Variants in EZH2 observed in about 807,000 individuals in gnomAD.
The protein encoded by EZH2 is enhancer of zeste 2 polycomb repressive complex 2 subunit.
A neutral mutation model predicts 98.4 loss-of-function variants in EZH2; 18 were observed. The observed-to-expected ratio is 0.18, with a 90% CI of 0.13 to 0.27. The LOEUF (loss-of-function observed/expected upper bound fraction) is 0.27, where lower values mean the gene tolerates loss of function less well. Among genes scored for constraint, EZH2 ranks in the 10% least tolerant of loss-of-function variants. The pLI, the probability that EZH2 is intolerant of heterozygous loss-of-function variation, is 1.00. For synonymous variants in EZH2, 338 were observed against 312.3 expected (o/e 1.08, Z -0.87); for missense variants, 470 against 935.1 (o/e 0.50, Z 6.49).
intron 1 of EZH2, among the ~76,000 whole-genome samples, chr7:148,881,511 A>G (rs750316059): frequency 1.1e-4 from 16 of 152,202 alleles, no homozygotes; most frequent in Non-Finnish European, 1.8e-4. Flanking sequence ...TACATTCTCA[A>G]TTGTACCAGA....
chr7:148,829,361 G>T (rs1808658990), intron 5 of EZH2, among the ~76,000 whole-genome samples: 1 of 152,144 alleles, frequency 6.6e-6, no homozygotes, highest in Admixed American at 6.5e-5. Context: ...TTTTTTAGTA[G>T]TAGGGGCTGT....
intron 3 of EZH2, among the ~76,000 whole-genome samples, chr7:148,837,605 TA>T (rs751656387): frequency 6.6e-6 from 1 of 152,110 alleles, no homozygotes; most frequent in African/African-American, 2.4e-5. Context: ...ATGAGATAAA[TA>T]GCAAATTTGG....
At chr7:148,882,628 A>G (rs911520319) in intron 1 of EZH2, among the ~76,000 whole-genome samples, 2 of 152,248 alleles carry the variant, frequency 1.3e-5, no homozygotes, top group South Asian at 4.1e-4. Context: ...AGAGTAATAG[A>G]AAATAAACTC....
In EZH2 at chr7:148,870,121, C is replaced by T. The variant is rs564326615; in HGVS notation, c.-8+14043G>A. ...TTCAGGCAAATATTCTCCAAAGAGG[C>T]AAAATTACTTAAGGAATTAAGTGGG... On this transcript the variant is annotated intron_variant, in intron 1 of 19. Transcript: ENST00000320356. 5.9e-5 allele frequency among the ~76,000 whole-genome samples: 9 copies of T among 152,302 alleles called. 1 individual carries two copies. In the South Asian group the frequency reaches 1.0e-3, roughly 18 times the overall value.
intron 15 of EZH2, 33 bp downstream of exon 15, chr7:148,813,926 C>G: frequency 6.3e-7 from 1 of 1,594,460 alleles, no homozygotes; most frequent in Non-Finnish European, 8.6e-7. Flanking sequence ...TAGCTAACTA[C>G]AAACAATCTT....
At chr7:148,847,492 G>T (rs1814459088) in intron 1 of EZH2, among the ~76,000 whole-genome samples, 187 bp from the exon 2 acceptor site, 1 of 152,192 alleles carries the variant, frequency 6.6e-6, no homozygotes, top group Non-Finnish European at 1.5e-5. Context: ...GAAAGTTTAA[G>T]TTAAACTTAA....
chr7:148,819,943 C>A (rs1481125589), intron 8 of EZH2, among the ~76,000 whole-genome samples: 1 of 152,204 alleles, frequency 6.6e-6, no homozygotes, highest in Admixed American at 6.5e-5. Flanking sequence ...TTTCTCCTTG[C>A]AAGTAAAACT....
rs1279761998 is a variant in EZH2, at chr7:148,884,195, CG to C, written c.-40del. The C allele has an allele frequency of 6.0e-6, 1 of 167,506 alleles. No individual in the cohort carries two copies. Among genetic ancestry groups the C allele is most frequent in the African/African-American group, 2.4e-5 (1 of 41,640 alleles). 10.4% of individuals were successfully genotyped at this position (167,506 alleles called of 1,614,324 possible). On this transcript the variant is annotated 5_prime_UTR_variant, in exon 1 of 20. Transcript: ENST00000320356. ...CCCGCGCGCCGACTCGCGTTGTTCC[CG>C]CGCGTCGCCCCCGCGCGCCGCCGCC...
rs772477320 is a variant in EZH2, at chr7:148,847,199, G to T, written c.100C>A (p.Arg34=). Residue 34 remains arginine (R), a synonymous_variant, in exon 2 of 20, where the codon CGA becomes AGA. Coordinates refer to ENST00000320356, the MANE Select transcript of EZH2 (RefSeq NM_004456.5). Reference sequence around the variant, plus strand: ...AATTATACCTTTACTTCATCAGCTCGTCTGAACCTCTTGAGCTGTCTCAGT... The same window carrying T: ...AATTATACCTTTACTTCATCAGCTCTTCTGAACCTCTTGAGCTGTCTCAGT... ...MRLRQLKRFR[R]ADEVKSMFSS... 4 of 1,611,206 alleles carry T rather than the reference G, an allele frequency of 2.5e-6. No homozygotes were observed. The African/African-American group carries it at 4.0e-5, about 16-fold the overall frequency.
At chr7:148,829,077 C>T (rs977702466) in intron 5 of EZH2, among the ~76,000 whole-genome samples, 197 bp from the exon 6 acceptor site, 3 of 152,156 alleles carry the variant, frequency 2.0e-5, no homozygotes, top group East Asian at 1.9e-4. Flanking sequence ...TCTTTAATAC[C>T]TGCTACTTTC....
At chr7:148,865,125 C>CAAAA (rs201434328) in intron 1 of EZH2, among the ~76,000 whole-genome samples, 1 of 92,380 alleles carries the variant, frequency 1.1e-5, no homozygotes. Flanking sequence ...AGACTTGTCT[C>CAAAA]AAAAAAAAAA....
chr7:148,809,761 T>G (rs1802521612), intron 17 of EZH2, among the ~76,000 whole-genome samples: 1 of 152,212 alleles, frequency 6.6e-6, no homozygotes, highest in African/African-American at 2.4e-5. Context: ...TATAAAGCAT[T>G]CATAGAAAAA....
At chr7:148,821,110 A>G (rs1805943273) in intron 8 of EZH2, 1 of 152,082 alleles carries the variant, frequency 6.6e-6, no homozygotes, top group Admixed American at 6.5e-5. Context: ...AAATAAATAA[A>G]TAAAGTAGGT....
chr7:148,832,531 A>C (rs897871328), intron 4 of EZH2, 103 bp downstream of exon 4: 9 of 681,172 alleles, frequency 1.3e-5, no homozygotes, highest in Non-Finnish European at 2.2e-5. Flanking sequence ...ATAGCTTTTT[A>C]GAATTTATAC....
intron 16 of EZH2, among the ~76,000 whole-genome samples, 192 bp downstream of exon 16, chr7:148,811,433 C>T (rs1365019144): frequency 1.3e-5 from 2 of 152,230 alleles, no homozygotes; most frequent in East Asian, 1.9e-4. Flanking sequence ...TTGCAGGAGT[C>T]GGCCACCGCG....
At chr7:148,807,765 C>CTTGACTT (rs1368317994) in intron 19 of EZH2, 59 bp from the exon 20 acceptor site, 1 of 1,085,830 alleles carries the variant, frequency 9.2e-7, no homozygotes, top group Non-Finnish European at 1.4e-6. Context: ...TGTGCTGAGA[C>CTTGACTT]TTAACACAAC....
chr7:148,819,801 T>C (rs1805500416), intron 8 of EZH2, 114 bp from the exon 9 acceptor site: 3 of 844,324 alleles, frequency 3.6e-6, no homozygotes, highest in Non-Finnish European at 1.8e-6. Flanking sequence ...TAATATGTGG[T>C]TTACGTTACT....
chr7:148,838,135 C>A (rs1188521170), intron 3 of EZH2, among the ~76,000 whole-genome samples: 1 of 133,152 alleles, frequency 7.5e-6, no homozygotes, highest in Non-Finnish European at 1.5e-5. Context: ...GTGGTGCAAT[C>A]ATGGCTCACT....
At chr7:148,817,831 C>T (rs200336498) in intron 10 of EZH2, 46 bp downstream of exon 10, 17 of 1,613,204 alleles carry the variant, frequency 1.1e-5, no homozygotes, top group African/African-American at 2.7e-5. Context: ...CCTCACAACA[C>T]GAACTTTCAC....
Sources: gnomAD v4.1 joint callset for allele counts (sites outside exome capture counted in the v4.1 genomes callset) on GRCh38, gnomAD v4.1.1 for gene constraint, MANE v1.5 for transcripts, NCBI Gene and HGNC (gene_info 2026-07-23, HGNC 2026-07-21) for gene names.